Variants in HDAC9 observed in about 807,000 individuals in gnomAD.
HDAC9 encodes MEF-2 interacting transcription repressor (MITR) protein.
HDAC9 carries 41 observed loss-of-function variants against 139.4 expected under a neutral mutation model. That is an observed-to-expected ratio of 0.29 (90% CI 0.23 to 0.38). HDAC9 has a LOEUF of 0.38. HDAC9 is among the 10% of genes least tolerant of loss of function. HDAC9 has a pLI of 1.00. For missense variants in HDAC9, 1,147 were observed against 1,297.0 expected, an observed-to-expected ratio of 0.88 and a Z score of 1.78; for synonymous variants, 517 against 476.2, an observed-to-expected ratio of 1.09 and a Z score of -1.12.
intron 9 of HDAC9, among the ~76,000 whole-genome samples, chr7:18,647,436 C>T (rs1251538065): frequency 6.6e-6 from 1 of 152,010 alleles, no homozygotes; most frequent in African/African-American, 2.4e-5. Flanking sequence ...TTCACATGTA[C>T]AATATATTGT....
intron 8 of HDAC9, among the ~76,000 whole-genome samples, chr7:18,637,730 C>T (rs932747738): frequency 6.6e-6 from 1 of 152,016 alleles, no homozygotes; most frequent in African/African-American, 2.4e-5. Context: ...TGAGTAGCCT[C>T]TCTGTGGCCC....
At chr7:18,401,846 T>A (rs1181598359) in intron 1 of HDAC9, among the ~76,000 whole-genome samples, 1 of 152,196 alleles carries the variant, frequency 6.6e-6, no homozygotes, top group Non-Finnish European at 1.5e-5. Flanking sequence ...TGGCCCTCTT[T>A]CCATTTTCTT....
chr7:18,812,557 G>A (rs1794256834), intron 17 of HDAC9, among the ~76,000 whole-genome samples: 1 of 151,676 alleles, frequency 6.6e-6, no homozygotes, highest in Non-Finnish European at 1.5e-5. Context: ...CGGCTGTCAT[G>A]CTTGTTGAAA....
intron 1 of HDAC9, among the ~76,000 whole-genome samples, chr7:18,153,688 G>A (rs553195772): frequency 6.6e-6 from 1 of 152,300 alleles, no homozygotes; most frequent in Non-Finnish European, 1.5e-5. Flanking sequence ...GTGCAAATCG[G>A]CTTTAGGGTC....
chr7:18,919,117 A>T (rs1015401877), intron 22 of HDAC9, among the ~76,000 whole-genome samples: 3 of 152,116 alleles, frequency 2.0e-5, no homozygotes, highest in Admixed American at 6.6e-5. Context: ...AGAATAGCCA[A>T]TGCACTTCAA....
rs551908975 is a variant in HDAC9 at position 18,898,963 on chromosome 7, G to T, written c.2803+24367G>T. On this transcript the variant is annotated intron_variant, in intron 22 of 25. Transcript: ENST00000686413. ...ACATCCCCTTAAAAGACGAAAGAAG[G>T]TATATAGTTTTTCAAATTCTGTTAC... Among the ~76,000 whole-genome samples the T allele has an allele frequency of 3.7e-4, 57 of 152,012 alleles. 1 individual carries two copies. The highest frequency in any genetic ancestry group is 1.3e-3 in the African/African-American group (55 of 41,506).
At chr7:18,826,788 C>G (rs1024003500) in intron 17 of HDAC9, among the ~76,000 whole-genome samples, 6 of 150,274 alleles carry the variant, frequency 4.0e-5, no homozygotes, top group African/African-American at 1.5e-4. Context: ...ATCCTTTCTT[C>G]TTTGTTGTCA....
At chr7:18,638,678 C>G (rs138188030) in intron 8 of HDAC9, among the ~76,000 whole-genome samples, 1 of 152,202 alleles carries the variant, frequency 6.6e-6, no homozygotes, top group Non-Finnish European at 1.5e-5. Flanking sequence ...AGCGCTGACT[C>G]CTGGTAGGGA....
chr7:18,316,677 CCAGCTACTCAGGTGGTGTATTCT>C (rs1799668350), intron 1 of HDAC9, among the ~76,000 whole-genome samples: 1 of 149,914 alleles, frequency 6.7e-6, no homozygotes, highest in Admixed American at 6.7e-5. Flanking sequence ...TGGCGCACAC[CCAGCTACTCAGGTGGTGTATTCT>C]CAGCTACTCA....
intron 1 of HDAC9, among the ~76,000 whole-genome samples, chr7:18,378,505 C>T (rs1246063867): frequency 6.6e-6 from 1 of 151,814 alleles, no homozygotes; most frequent in Non-Finnish European, 1.5e-5. Context: ...GGATTAAATT[C>T]ACATTAAGAA....
intron 2 of HDAC9, among the ~76,000 whole-genome samples, chr7:18,217,171 A>G (rs1160562965): frequency 1.3e-5 from 2 of 152,070 alleles, no homozygotes; most frequent in Non-Finnish European, 2.9e-5. Flanking sequence ...TGATCTTTTA[A>G]TTTTATTGAA....
At chr7:18,335,959 A>G (rs1247418853) in intron 1 of HDAC9, among the ~76,000 whole-genome samples, 2 of 151,642 alleles carry the variant, frequency 1.3e-5, no homozygotes, top group Non-Finnish European at 3.0e-5. Flanking sequence ...CTTTTTATTT[A>G]TTTTATTGCT....
intron 19 of HDAC9, among the ~76,000 whole-genome samples, chr7:18,831,128 A>G (rs1223639779): frequency 6.6e-6 from 1 of 152,198 alleles, no homozygotes; most frequent in East Asian, 1.9e-4. Context: ...AGTTTGTCCT[A>G]TCCTTAGGGA....
intron 2 of HDAC9, among the ~76,000 whole-genome samples, chr7:18,500,718 G>A (rs911586775): frequency 1.3e-5 from 2 of 152,056 alleles, no homozygotes; most frequent in African/African-American, 4.8e-5. Context: ...TTGGAATGAC[G>A]TACCTTTCAC....
intron 1 of HDAC9, among the ~76,000 whole-genome samples, chr7:18,483,457 G>A (rs1198099351): frequency 6.6e-6 from 1 of 152,134 alleles, no homozygotes; most frequent in Non-Finnish European, 1.5e-5. Context: ...GTTTGATAGT[G>A]GATGTGTTTT....
intron 22 of HDAC9, among the ~76,000 whole-genome samples, chr7:18,932,061 T>C (rs1046312478): frequency 4.6e-5 from 7 of 152,146 alleles, no homozygotes; most frequent in African/African-American, 1.7e-4. Flanking sequence ...AAAATGTTAA[T>C]ATGGAAAGAA....
Position 18,943,627 on chromosome 7 carries a change from A to T in HDAC9, c.2937+7685A>T, listed in dbSNP as rs558441717. On this transcript the variant is annotated intron_variant, in intron 23 of 25. Transcript: ENST00000686413. Reference sequence around the variant, plus strand: ...TGTTTAACCTACATTTCTCTAAGCCATAGTAGTTTTGGACAAAACTCAGTT... The same window carrying T: ...TGTTTAACCTACATTTCTCTAAGCCTTAGTAGTTTTGGACAAAACTCAGTT... Among the ~76,000 whole-genome samples, 127 of 152,182 alleles carry T rather than the reference A, an allele frequency of 8.3e-4. 1 individual carries two copies. The highest frequency in any genetic ancestry group is 2.9e-3 in the African/African-American group (119 of 41,542).
chr7:18,103,314 G>A (rs928243961), intron 1 of HDAC9, among the ~76,000 whole-genome samples: 4 of 152,172 alleles, frequency 2.6e-5, no homozygotes, highest in Admixed American at 2.0e-4. Context: ...ATCAGACTGT[G>A]ATAGTGACAT....
chr7:18,805,006 GGCTGGTCTTGAACTCCTGA>G (rs1348189113), intron 17 of HDAC9, among the ~76,000 whole-genome samples: 1 of 152,206 alleles, frequency 6.6e-6, no homozygotes, highest in Non-Finnish European at 1.5e-5. Context: ...ACGTTGCCCA[GGCTGGTCTTGAACTCCTGA>G]GCTCAAAAAG....
Sources: gnomAD v4.1 joint callset for allele counts (sites outside exome capture counted in the v4.1 genomes callset) on GRCh38, gnomAD v4.1.1 for gene constraint, MANE v1.5 for transcripts, NCBI Gene and HGNC (gene_info 2026-07-23, HGNC 2026-07-21) for gene names.